Variants in RHCG observed in about 807,000 individuals in gnomAD.
RHCG encodes the protein Rh family C glycoprotein.
Under a neutral mutation model 55.3 loss-of-function variants are expected in RHCG, and 39 were observed. The ratio of observed to expected loss-of-function variants is 0.70; its 90% CI spans 0.55 to 0.92. RHCG has a LOEUF of 0.92. Ranked by LOEUF, RHCG falls within the 40% of genes least tolerant of loss-of-function variation. The pLI is 0.00. For synonymous variants in RHCG, 250 were observed against 246.8 expected (o/e 1.01, Z -0.12); for missense variants, 635 against 627.9 (o/e 1.01, Z -0.12).
rs368487303 is a variant in RHCG, at chr15:89,477,553, G to A, written c.1076C>T (p.Ala359Val). ...IIGGIVGAVTAASASLEVYGK... is the reference protein window; with the variant it reads ...IIGGIVGAVTVASASLEVYGK... ...ATAGACTTCAAGGCTGGCGGAGGCC[G>A]CTGTCACAGCACCCACGATGCCGCC... The change falls in exon 7 of 11, where the codon GCG becomes GTG. Residue 359 changes from alanine (A) to valine (V), a missense_variant. Transcript: ENST00000268122. The surrounding 1 kb of genome is among the most constrained non-coding windows in gnomAD (Gnocchi z 4.5). 2.6e-5 allele frequency: 42 copies of A among 1,614,044 alleles called. No homozygotes were observed. The highest frequency in any genetic ancestry group is 3.2e-5 in the Non-Finnish European group (38 of 1,180,034).
intron 2 of RHCG, among the ~76,000 whole-genome samples, chr15:89,484,722 G>A (rs747353980): frequency 6.7e-6 from 1 of 149,700 alleles, no homozygotes; most frequent in Non-Finnish European, 1.5e-5. Context: ...GGAGGTTGCA[G>A]CGAGCCAAGA....
rs1182295430 is a variant in RHCG, at chr15:89,471,526, G to A, written c.*354C>T. The A allele has an allele frequency of 1.3e-5, 2 of 152,552 alleles. No homozygotes were observed. Among genetic ancestry groups the A allele is most frequent in the East Asian group, 3.8e-4 (2 of 5,206 alleles). The allele number at this position is 152,552 out of a possible 1,614,324, so 9.4% of individuals were successfully genotyped here. A position where few individuals can be genotyped will look rare whatever the true frequency, so the allele number is the denominator to read the frequency against. ...GCCGAGGTGCAGGCACGGGGTAGAA[G>A]AGCCTCATAGGTGGTGACTGGCAGC... On this transcript the variant is annotated 3_prime_UTR_variant, in exon 11 of 11. Transcript: ENST00000268122.
rs767392197 is a variant in RHCG at position 89,479,451 on chromosome 15, G to A, written c.708C>T (p.Asn236=). ...LFLWMYWPSF[N]SAISYHGDSQ... ...TGTCCCCATGGTAGGATATGGCTGA[G>A]TTGAAGCTGGGCCAGTACATCCACA... The change falls in exon 5 of 11, where the codon AAC becomes AAT. Residue 236 remains asparagine, a synonymous_variant. Coordinates refer to ENST00000268122, the MANE Select transcript of RHCG (RefSeq NM_016321.3). 6.2e-6 allele frequency: 10 copies of A among 1,613,868 alleles called. No homozygotes were observed. The Admixed American group carries it at 1.7e-4, about 27-fold the overall frequency.
At chr15:89,489,172 G>T (rs1235335156) in intron 1 of RHCG, among the ~76,000 whole-genome samples, 1 of 152,162 alleles carries the variant, frequency 6.6e-6, no homozygotes, top group Non-Finnish European at 1.5e-5. Flanking sequence ...CTGGAGTGCA[G>T]TGGCACAATC....
At chr15:89,479,235 C>A (rs770576890) in intron 5 of RHCG, 87 bp downstream of exon 5, 6 of 1,371,310 alleles carry the variant, frequency 4.4e-6, no homozygotes, top group Middle Eastern at 2.6e-4. Flanking sequence ...GTGTGATGAT[C>A]CCCTCAGAGG....
In RHCG at chr15:89,486,867, C is replaced by T; in HGVS notation, c.303G>A (p.Gln101=). The T allele has an allele frequency of 6.2e-7, 1 of 1,612,456 alleles. No individual in the cohort carries two copies. The highest frequency in any genetic ancestry group is 1.3e-5 in the African/African-American group (1 of 75,022). Residue 101 remains glutamine, a synonymous_variant, in exon 2 of 11, where the codon CAG becomes CAA. Coordinates refer to ENST00000268122, the MANE Select transcript of RHCG (RefSeq NM_016321.3). The part of the protein sequence containing the change: ...FNFLLAAFGI[Q]WALLMQGWFH... The stretch of plus-strand genomic sequence containing the variant: ...ACCAGCCCTGCATGAGCAGCGCCCA[C>T]TGGATGCCGAAGGCTGCCAACAGGA...
At chr15:89,484,280 G>A (rs536860184) in intron 2 of RHCG, among the ~76,000 whole-genome samples, 40 of 152,276 alleles carry the variant, frequency 2.6e-4, no homozygotes, top group African/African-American at 8.7e-4. Flanking sequence ...CTAAATGATC[G>A]ATGGCAGTTC....
At chr15:89,476,992 A>T (rs1961162755) in intron 8 of RHCG, 90 bp downstream of exon 8, 4 of 1,587,516 alleles carry the variant, frequency 2.5e-6, no homozygotes, top group Non-Finnish European at 2.6e-6. Flanking sequence ...CTGGGGGCTC[A>T]GGCTGACCTG....
chr15:89,494,873 G>C (rs572086279), intron 1 of RHCG, among the ~76,000 whole-genome samples: 1 of 152,106 alleles, frequency 6.6e-6, no homozygotes, highest in African/African-American at 2.4e-5. Flanking sequence ...GCCCATGGGA[G>C]TTCTTGCCCC....
rs764825919 is a variant in RHCG, at chr15:89,472,872, AGAGGATGCAACTCT to A, written c.1312-23_1312-10del. 1.4e-6 allele frequency: 2 copies of A among 1,435,872 alleles called. No homozygotes were observed. Among genetic ancestry groups the A allele is most frequent in the South Asian group, 1.4e-5 (1 of 69,206 alleles). The allele number at this position is 1,435,872 out of a possible 1,614,324, so 88.9% of individuals were successfully genotyped here. ...CTGTTCCCTTCAGGCATCTACAGAG[AGAGGATGCAACTCT>A]GAGGGCCCTGTCCCAGTCCAGGCAA... On this transcript the variant is annotated splice_polypyrimidine_tract_variant and intron_variant, in intron 9 of 10. Coordinates refer to ENST00000268122, the MANE Select transcript of RHCG (RefSeq NM_016321.3).
intron 4 of RHCG, among the ~76,000 whole-genome samples, chr15:89,480,042 G>A (rs1287755911): frequency 1.3e-5 from 2 of 152,208 alleles, no homozygotes; most frequent in African/African-American, 4.8e-5. Flanking sequence ...CATGGGGAAG[G>A]GGGACAGACA....
chr15:89,477,713 C>T lies in RHCG; in HGVS notation c.976-60G>A, dbSNP rs550881744. ...GGCTGCATCAAGGGTGTGGGGAGGC[C>T]GGGATTCCAGAGACCCAGGATTCTC... On this transcript the variant is annotated intron_variant, in intron 6 of 10. Coordinates refer to ENST00000268122, the MANE Select transcript of RHCG (RefSeq NM_016321.3). This position sits in a 1 kb window ranked among gnomAD's most constrained non-coding sequence, Gnocchi z 4.5. The T allele has an allele frequency of 4.6e-4, 741 of 1,605,546 alleles. No individual in the cohort carries two copies. The highest frequency in any genetic ancestry group is 6.0e-4 in the Non-Finnish European group (707 of 1,173,808).
In RHCG at chr15:89,471,762, G is replaced by A. The variant is rs1373756906; in HGVS notation, c.*118C>T. ...AGGGCAGGGGTGGAGGCACCTTGAGGCCAAGCCAGCAGGTGGGGGTGCTGC... is the reference window on the plus strand; with the variant it reads ...AGGGCAGGGGTGGAGGCACCTTGAGACCAAGCCAGCAGGTGGGGGTGCTGC... On this transcript the variant is annotated 3_prime_UTR_variant, in exon 11 of 11. Transcript: ENST00000268122. 1.3e-5 allele frequency: 2 copies of A among 152,844 alleles called. No individual in the cohort carries two copies. Among genetic ancestry groups the A allele is most frequent in the African/African-American group, 4.8e-5 (2 of 41,432 alleles). 9.5% of individuals were successfully genotyped at this position (152,844 alleles called of 1,614,324 possible). A position where few individuals can be genotyped will look rare whatever the true frequency, so the allele number is the denominator to read the frequency against.
Position 89,486,836 on chromosome 15 carries a change from A to C in RHCG, c.334T>G (p.Phe112Val), listed in dbSNP as rs1161750205. The C allele has an allele frequency of 3.7e-6, 6 of 1,605,908 alleles. 1 individual carries two copies. In the South Asian group the frequency reaches 5.5e-5, roughly 15 times the overall value. ...ACGACGATGTAGCGGTCTTGTAAGA[A>C]GTGGAACCAGCCCTGCATGAGCAGC... ...WALLMQGWFH[F>V]LQDRYIVVGV... is the part of the protein sequence containing the mutation. Residue 112 changes from phenylalanine to valine, a missense_variant, in exon 2 of 11, where the codon TTC (phenylalanine) becomes GTC (valine). Transcript: ENST00000268122.
chr15:89,478,000 G>A lies in RHCG; in HGVS notation c.838-26C>T. 2 of 1,586,444 alleles carry A rather than the reference G, an allele frequency of 1.3e-6. No homozygotes were observed. Among genetic ancestry groups the A allele is most frequent in the Non-Finnish European group, 1.7e-6 (2 of 1,162,998 alleles). On this transcript the variant is annotated intron_variant, in intron 5 of 10. Transcript: ENST00000268122. This position sits in a 1 kb window ranked among gnomAD's most constrained non-coding sequence, Gnocchi z 4.5. ...CTGGGCAGGGCAGGCAGAGCAGGCAGGAACTCAGTCCTCTCCCTGGAGCAC... is the reference window on the plus strand; with the variant it reads ...CTGGGCAGGGCAGGCAGAGCAGGCAAGAACTCAGTCCTCTCCCTGGAGCAC...
intron 1 of RHCG, among the ~76,000 whole-genome samples, chr15:89,494,517 G>T (rs552853167): frequency 6.6e-6 from 1 of 152,244 alleles, no homozygotes; most frequent in South Asian, 2.1e-4. Context: ...GTGAAAGGTG[G>T]GTGGGCAAGT....
chr15:89,480,291 C>T lies in RHCG; in HGVS notation c.640G>A (p.Val214Met), dbSNP rs776459190. ...ATGGCAAAGAGGTCCGACTGGTACA[C>T]AGAATTCTGTCTCTCCTTGCTCTGC... The part of the protein sequence containing the change: ...LEQSKERQNS[V>M]YQSDLFAMIG... The change falls in exon 4 of 11, where the codon GTG becomes ATG. Residue 214 changes from valine (V) to methionine (M), a missense_variant. Val to Met is a conservative substitution (Grantham distance 21). Coordinates refer to ENST00000268122, the MANE Select transcript of RHCG (RefSeq NM_016321.3). 1 of 1,614,188 alleles carries T rather than the reference C, an allele frequency of 6.2e-7. No homozygotes were observed. The highest frequency in any genetic ancestry group is 1.1e-5 in the South Asian group (1 of 91,084).
intron 9 of RHCG, among the ~76,000 whole-genome samples, chr15:89,474,391 A>C (rs1485050615): frequency 6.6e-6 from 1 of 152,256 alleles, no homozygotes; most frequent in Non-Finnish European, 1.5e-5. Flanking sequence ...TGGTTTTAAA[A>C]ATACAGAGCT....
At chr15:89,476,024 TC>T (rs1567224421) in intron 9 of RHCG, among the ~76,000 whole-genome samples, 1 of 151,832 alleles carries the variant, frequency 6.6e-6, no homozygotes, top group Non-Finnish European at 1.5e-5. Flanking sequence ...TCTCTCTCTC[TC>T]TCTCTCATTC....
Sources: gnomAD v4.1 joint callset for allele counts (sites outside exome capture counted in the v4.1 genomes callset) on GRCh38, gnomAD v4.1.1 for gene constraint, Gnocchi (gnomAD v3.1) non-coding constraint, MANE v1.5 for transcripts, NCBI Gene and HGNC (gene_info 2026-07-23, HGNC 2026-07-21) for gene names.